The following XKR6 variants were observed in gnomAD, a reference collection of about 807,000 sequenced individuals.
The protein encoded by XKR6 is XK related 6.
In XKR6, 22 loss-of-function variants were observed where a neutral mutation model predicts 56.7. The observed-to-expected ratio is 0.39, with a 90% confidence interval of 0.28 to 0.55. The LOEUF is 0.55. Among genes scored for constraint, XKR6 ranks in the 20% least tolerant of loss-of-function variants. The pLI is 0.66. For synonymous variants in XKR6, 524 were observed against 387.8 expected, an observed-to-expected ratio of 1.35 and a Z score of -4.13; for missense variants, 852 against 889.0, an observed-to-expected ratio of 0.96 and a Z score of 0.53.
intron 1 of XKR6, among the ~76,000 whole-genome samples, chr8:11,199,972 C>CAA (rs80153634): frequency 7.3e-6 from 1 of 136,138 alleles, no homozygotes. Context: ...TCCAGCAAAC[C>CAA]AAAAAAAAAA....
chr8:11,046,921 G>A (rs757111879), intron 1 of XKR6, among the ~76,000 whole-genome samples: 2 of 152,050 alleles, frequency 1.3e-5, no homozygotes, highest in African/African-American at 4.8e-5. Context: ...ACATGATCTC[G>A]CTTATGTGTG....
chr8:11,019,845 G>A (rs1020985069), intron 1 of XKR6, among the ~76,000 whole-genome samples: 5 of 152,190 alleles, frequency 3.3e-5, no homozygotes, highest in Admixed American at 6.5e-5. Flanking sequence ...CTGTACTTCC[G>A]TGTAAGCTCA....
chr8:10,990,284 T>G (rs993350695), intron 1 of XKR6, among the ~76,000 whole-genome samples: 2 of 152,214 alleles, frequency 1.3e-5, no homozygotes, highest in African/African-American at 4.8e-5. Flanking sequence ...GAGGTCTTAC[T>G]GTTACTCTTA....
intron 1 of XKR6, among the ~76,000 whole-genome samples, chr8:11,040,765 G>C (rs1799266212): frequency 6.6e-6 from 1 of 152,126 alleles, no homozygotes; most frequent in African/African-American, 2.4e-5. Flanking sequence ...CACCTCCTAA[G>C]ACCAGCACAT....
intron 1 of XKR6, chr8:11,107,916 G>C (rs549246129): frequency 3.1e-5 from 8 of 256,176 alleles, no homozygotes; most frequent in Non-Finnish European, 4.5e-5. Flanking sequence ...AATGCTGCCT[G>C]GGACGCCTCC....
At chr8:11,075,074 A>T (rs1442258273) in intron 1 of XKR6, among the ~76,000 whole-genome samples, 1 of 152,130 alleles carries the variant, frequency 6.6e-6, no homozygotes, top group Admixed American at 6.5e-5. Flanking sequence ...GCACTAGTAC[A>T]GGTGGGGAGG....
At chr8:10,935,500 A>C (rs1164430135) in intron 1 of XKR6, among the ~76,000 whole-genome samples, 59 of 118,832 alleles carry the variant, frequency 5.0e-4, no homozygotes, top group African/African-American at 2.0e-3. Flanking sequence ...TTAGGGTGTC[A>C]ATTTTGGATC....
chr8:10,938,302 G>T (rs1275075991), intron 1 of XKR6, among the ~76,000 whole-genome samples: 1 of 152,136 alleles, frequency 6.6e-6, no homozygotes, highest in Non-Finnish European at 1.5e-5. Context: ...CCACTGTCTG[G>T]CACTCCCTAG....
At chr8:11,181,126 T>G (rs1322149686) in intron 1 of XKR6, among the ~76,000 whole-genome samples, 2 of 152,188 alleles carry the variant, frequency 1.3e-5, no homozygotes, top group Non-Finnish European at 2.9e-5. Flanking sequence ...TAATGTTGCT[T>G]GGAAAGGATG....
intron 1 of XKR6, among the ~76,000 whole-genome samples, chr8:11,008,491 G>C (rs1798425225): frequency 8.0e-6 from 1 of 125,070 alleles, no homozygotes; most frequent in South Asian, 2.6e-4. Flanking sequence ...CACAATCTTT[G>C]CTCACTGCAA....
chr8:11,095,772 T>C (rs1422046292), intron 1 of XKR6, among the ~76,000 whole-genome samples: 1 of 152,220 alleles, frequency 6.6e-6, no homozygotes, highest in Non-Finnish European at 1.5e-5. Flanking sequence ...ACCCAGGCAC[T>C]GGTAACATTT....
Position 11,169,721 on chromosome 8 carries a change from A to T in XKR6, c.764+30855T>A, listed in dbSNP as rs559651282. 3.3e-5 allele frequency among the ~76,000 whole-genome samples: 5 copies of T among 152,360 alleles called. No individual in the cohort carries two copies. In the South Asian group the frequency reaches 1.0e-3, roughly 32 times the overall value. Reference sequence around the variant, plus strand: ...GGAAATGGACAGTGGTGATAATTGCACAACACTGTGAATCTACCTCATGCC... The same window carrying T: ...GGAAATGGACAGTGGTGATAATTGCTCAACACTGTGAATCTACCTCATGCC... On this transcript the variant is annotated intron_variant, in intron 1 of 2. Transcript: ENST00000416569.
In XKR6 at chr8:10,908,432, G is replaced by C. The variant is rs954960122; in HGVS notation, c.962-9516C>G. Among the ~76,000 whole-genome samples, 5 of 151,964 alleles carry C rather than the reference G, an allele frequency of 3.3e-5. No homozygotes were observed. The East Asian group carries it at 7.7e-4, about 24-fold the overall frequency. On this transcript the variant is annotated intron_variant, in intron 2 of 2. Transcript: ENST00000416569. ...GGAACCAGCCTGCTTCCCCCTCCCA[G>C]GAATCTCTGCCTCCAATGGGTGAGC...
chr8:11,184,686 G>T (rs1018458844), intron 1 of XKR6, among the ~76,000 whole-genome samples: 2 of 151,948 alleles, frequency 1.3e-5, no homozygotes, highest in African/African-American at 4.8e-5. Context: ...CCTTTATAAG[G>T]AATTTCTATA....
chr8:11,149,488 T>C (rs1801160114), intron 1 of XKR6, among the ~76,000 whole-genome samples: 2 of 152,218 alleles, frequency 1.3e-5, no homozygotes, highest in South Asian at 4.1e-4. Flanking sequence ...CTTTACATGT[T>C]GTCTACATCT....
chr8:11,136,466 T>C (rs1800404991), intron 1 of XKR6, among the ~76,000 whole-genome samples: 1 of 148,048 alleles, frequency 6.8e-6, no homozygotes, highest in Non-Finnish European at 1.5e-5. Flanking sequence ...ATTGCGCCAT[T>C]GCACTCCAGC....
At position 11,179,748 on chromosome 8, in the gene XKR6, T is replaced by C. The variant is rs148493157; in HGVS notation, c.764+20828A>G. ...CAGAAAGATAATGCTCTCCACCATA[T>C]ACAAATTACTGTGCAGGAGACAAAG... is the stretch of plus-strand genomic sequence containing the variant. On this transcript the variant is annotated intron_variant, in intron 1 of 2. Transcript: ENST00000416569. Among the ~76,000 whole-genome samples, 496 of 152,324 alleles carry C rather than the reference T, an allele frequency of 3.3e-3. 2 individuals carry two copies. Among genetic ancestry groups the C allele is most frequent in the Non-Finnish European group, 5.5e-3 (372 of 68,034 alleles).
chr8:11,080,398 T>C (rs1023463092), intron 1 of XKR6, among the ~76,000 whole-genome samples: 2 of 152,184 alleles, frequency 1.3e-5, no homozygotes, highest in African/African-American at 2.4e-5. Context: ...AAGAGATCAG[T>C]ACATGTCAAA....
intron 1 of XKR6, among the ~76,000 whole-genome samples, chr8:11,049,678 G>A (rs1168943963): frequency 6.6e-6 from 1 of 152,204 alleles, no homozygotes; most frequent in Non-Finnish European, 1.5e-5. Flanking sequence ...GGCTGGCAGG[G>A]GAGGCACCAG....
Sources: allele counts gnomAD v4.1 joint callset (sites outside exome capture counted in the v4.1 genomes callset), GRCh38; gene constraint gnomAD v4.1.1; transcripts MANE v1.5; gene names NCBI Gene and HGNC (gene_info 2026-07-23, HGNC 2026-07-21).